PCDHGB6: variants seen among roughly 807,000 people sequenced by gnomAD.
The protein encoded by PCDHGB6 is protocadherin gamma-B6.
Under a neutral mutation model 59.1 loss-of-function variants are expected in PCDHGB6, and 51 were observed. The ratio of observed to expected loss-of-function variants is 0.86; its 90% CI spans 0.69 to 1.09. PCDHGB6 has a LOEUF of 1.09. PCDHGB6 is among the 50% of genes least tolerant of loss of function. PCDHGB6 has a pLI of 0.00. For missense variants in PCDHGB6, 1,148 were observed against 1,205.1 expected (o/e 0.95, Z 0.70); for synonymous variants, 466 against 495.1 (o/e 0.94, Z 0.78).
chr5:141,466,375 C>A (rs2099121518), intron 1 of PCDHGB6, among the ~76,000 whole-genome samples: 1 of 152,042 alleles, frequency 6.6e-6, no homozygotes, highest in Non-Finnish European at 1.5e-5. Context: ...GGTTTTGGCA[C>A]CCATCTAATG....
In PCDHGB6 at chr5:141,485,944, G is replaced by A; in HGVS notation, c.2419-8863G>A. 1.2e-6 allele frequency: 2 copies of A among 1,614,116 alleles called. No homozygotes were observed. The highest frequency in any genetic ancestry group is 1.7e-6 in the Non-Finnish European group (2 of 1,180,020). ...TTAGTGTGTTGGAGAGCGCACCAGC[G>A]GGCATGGTGCTCATCCAGCTCAATG... On this transcript the variant is annotated intron_variant, in intron 1 of 3. Coordinates refer to ENST00000520790, the MANE Select transcript of PCDHGB6 (RefSeq NM_018926.3). This position sits in a 1 kb window ranked among gnomAD's most constrained non-coding sequence, Gnocchi z 5.7.
chr5:141,432,940 T>C lies in PCDHGB6; in HGVS notation c.2418+22320T>C, dbSNP rs142546730. On this transcript the variant is annotated intron_variant, in intron 1 of 3. Transcript: ENST00000520790. This position sits in a 1 kb window ranked among gnomAD's most constrained non-coding sequence, Gnocchi z 6.0. ...GGCACAAGTCACGCCTGCTGCAGGC[T>C]TCAGGAGGCGGCTTGACAGGAGCGC... 6 of 1,614,208 alleles carry C rather than the reference T, an allele frequency of 3.7e-6. No individual in the cohort carries two copies. The highest frequency in any genetic ancestry group is 4.2e-6 in the Non-Finnish European group (5 of 1,180,040).
intron 1 of PCDHGB6, chr5:141,427,831 G>T: frequency 7.1e-6 from 11 of 1,539,366 alleles, no homozygotes; most frequent in Non-Finnish European, 9.8e-6. Context: ...GTCGCGCAGC[G>T]TGCCTTCGAC....
chr5:141,419,794 T>C (rs368369787), intron 1 of PCDHGB6: 54 of 1,613,930 alleles, frequency 3.3e-5, no homozygotes, highest in Non-Finnish European at 4.5e-5. Flanking sequence ...TGCTAGTCGC[T>C]GTAAGAGATG....
chr5:141,489,077 C>G lies in PCDHGB6; in HGVS notation c.2419-5730C>G, dbSNP rs957205894. On this transcript the variant is annotated intron_variant, in intron 1 of 3. Coordinates refer to ENST00000520790, the MANE Select transcript of PCDHGB6 (RefSeq NM_018926.3). The surrounding 1 kb of genome is among the most constrained non-coding windows in gnomAD (Gnocchi z 4.5). The stretch of plus-strand genomic sequence containing the variant: ...AGCTCCCCTCCCCCCTGCCCACCCC[C>G]GCCACTCGGTGACTAAGAACTGCTG... 7 of 325,684 alleles carry G rather than the reference C, an allele frequency of 2.1e-5. No homozygotes were observed. Among genetic ancestry groups the G allele is most frequent in the Non-Finnish European group, 3.9e-5 (7 of 181,468 alleles). The allele number at this position is 325,684 out of a possible 1,614,324, so 20.2% of individuals were successfully genotyped here.
chr5:141,460,669 TTATATATC>T (rs1176483278), intron 1 of PCDHGB6, among the ~76,000 whole-genome samples: 1 of 152,032 alleles, frequency 6.6e-6, no homozygotes, highest in African/African-American at 2.4e-5. Flanking sequence ...GTAAACACAG[TTATATATC>T]TATATATCCA....
In PCDHGB6 at chr5:141,415,309, G is replaced by A. The variant is rs199689792; in HGVS notation, c.2418+4689G>A. ...GGTCTCCTGCGTCTTCCTGGCCTTC[G>A]TCATCGTGCTGCTGGCGCACAGGCT... is the stretch of plus-strand genomic sequence containing the variant. On this transcript the variant is annotated intron_variant, in intron 1 of 3. Coordinates refer to ENST00000520790, the MANE Select transcript of PCDHGB6 (RefSeq NM_018926.3). 2.7e-5 allele frequency: 44 copies of A among 1,614,216 alleles called. No homozygotes were observed. In the Middle Eastern group the frequency reaches 8.2e-4, roughly 30 times the overall value.
chr5:141,415,959 C>T, intron 1 of PCDHGB6: 3 of 443,810 alleles, frequency 6.8e-6, no homozygotes, highest in Non-Finnish European at 1.1e-5. Context: ...CATATTGAAA[C>T]TCCAGCCCCT....
chr5:141,496,876 A>G (rs964149656), intron 2 of PCDHGB6, among the ~76,000 whole-genome samples: 1 of 149,154 alleles, frequency 6.7e-6, no homozygotes, highest in African/African-American at 2.5e-5. Flanking sequence ...AAAATTTGCA[A>G]CAAGTAACAC....
intron 2 of PCDHGB6, among the ~76,000 whole-genome samples, chr5:141,497,539 C>A (rs2099777336): frequency 6.9e-6 from 1 of 145,274 alleles, no homozygotes; most frequent in African/African-American, 2.6e-5. Context: ...ATGCAACAAA[C>A]CTTTTTTTTT....
intron 1 of PCDHGB6, among the ~76,000 whole-genome samples, chr5:141,443,876 G>C (rs2098409251): frequency 6.6e-6 from 1 of 152,152 alleles, no homozygotes; most frequent in South Asian, 2.1e-4. Flanking sequence ...TTACTGATAA[G>C]TCAAGAGAAA....
chr5:141,499,089 A>G (rs1417307590), intron 2 of PCDHGB6, among the ~76,000 whole-genome samples: 2 of 152,116 alleles, frequency 1.3e-5, no homozygotes, highest in Non-Finnish European at 1.5e-5. Context: ...CCTGCTTGGC[A>G]CATGCTTCTC....
intron 2 of PCDHGB6, 47 bp from the exon 3 acceptor site, chr5:141,505,346 C>G: frequency 4.3e-6 from 7 of 1,612,970 alleles, no homozygotes; most frequent in Non-Finnish European, 5.9e-6. Context: ...GGGGCATGAG[C>G]TGTGCCGGCC....
intron 1 of PCDHGB6, among the ~76,000 whole-genome samples, chr5:141,466,637 A>G (rs944728391): frequency 1.1e-4 from 16 of 152,234 alleles, no homozygotes; most frequent in Admixed American, 8.5e-4. Flanking sequence ...CATTGTCTCC[A>G]TAAACTTTTC....
chr5:141,484,236 G>C (rs1272971014), intron 1 of PCDHGB6, among the ~76,000 whole-genome samples: 2 of 152,132 alleles, frequency 1.3e-5, no homozygotes, highest in Non-Finnish European at 2.9e-5. Context: ...AAGAGATCTG[G>C]TCCTTAGCAC....
Position 141,493,788 on chromosome 5 carries a change from C to A in PCDHGB6, c.2419-1019C>A, listed in dbSNP as rs2099750132. On this transcript the variant is annotated intron_variant, in intron 1 of 3. Transcript: ENST00000520790. This position sits in a 1 kb window ranked among gnomAD's most constrained non-coding sequence, Gnocchi z 4.3. ...ACTGGCAGTTCCGGAGCTTCCTTCT[C>A]CCTGGAGTAATCTGAGATACTCACA... 6.6e-6 allele frequency among the ~76,000 whole-genome samples: 1 copy of A among 152,162 alleles called. No homozygotes were observed. The highest frequency in any genetic ancestry group is 1.5e-5 in the Non-Finnish European group (1 of 68,026).
At position 141,423,606 on chromosome 5, in the gene PCDHGB6, G is replaced by A. The variant is rs945897368; in HGVS notation, c.2418+12986G>A. 9 of 1,612,046 alleles carry A rather than the reference G, an allele frequency of 5.6e-6. No individual in the cohort carries two copies. In the Admixed American group the frequency reaches 1.0e-4, roughly 18 times the overall value. On this transcript the variant is annotated intron_variant, in intron 1 of 3. Transcript: ENST00000520790. ...GCTGTGAGAAAAGCGAGCCACTCTT[G>A]ATAGCTGAAGACTCAGCTATCATTT...
rs143939286 is a variant in PCDHGB6 at position 141,427,522 on chromosome 5, T to C, written c.2418+16902T>C. 6.1e-3 allele frequency: 3,716 copies of C among 607,796 alleles called. 27 individuals are homozygous for C. The highest frequency in any genetic ancestry group is 8.8e-3 in the Non-Finnish European group (2,868 of 324,656). The allele number at this position is 607,796 out of a possible 1,614,324, so 37.7% of individuals were successfully genotyped here. A position where few individuals can be genotyped will look rare whatever the true frequency, so the allele number is the denominator to read the frequency against. On this transcript the variant is annotated intron_variant, in intron 1 of 3. Transcript: ENST00000520790. ...GATGGGACCCTGGATTGGGAGCGGATCCCGGAGTACAACGTCACCATCACT... is the reference window on the plus strand; with the variant it reads ...GATGGGACCCTGGATTGGGAGCGGACCCCGGAGTACAACGTCACCATCACT...
chr5:141,421,864 C>T (rs1561797174), intron 1 of PCDHGB6: 2 of 1,613,766 alleles, frequency 1.2e-6, no homozygotes, highest in Non-Finnish European at 1.7e-6. Context: ...CCTGCTCCTC[C>T]TCACAGCTTT....
Sources: allele counts gnomAD v4.1 joint callset (sites outside exome capture counted in the v4.1 genomes callset), GRCh38; gene constraint gnomAD v4.1.1; non-coding constraint Gnocchi (gnomAD v3.1); transcripts MANE v1.5; gene names NCBI Gene and HGNC (gene_info 2026-07-23, HGNC 2026-07-21).